TRPM1: variants seen among roughly 807,000 people sequenced by gnomAD.
TRPM1 encodes TRPM1-203 APA Isoform, Intron 10.
In TRPM1, 113 loss-of-function variants were observed where a neutral mutation model predicts 149.4. The ratio of observed to expected loss-of-function variants is 0.76; its 90% CI spans 0.65 to 0.88. The LOEUF (loss-of-function observed/expected upper bound fraction) is 0.88, where lower values mean the gene tolerates loss of function less well. Ranked by LOEUF, TRPM1 falls within the 40% of genes least tolerant of loss-of-function variation. TRPM1 has a pLI of 0.00. For synonymous variants in TRPM1, 741 were observed against 759.5 expected, an observed-to-expected ratio of 0.98 and a Z score of 0.40; for missense variants, 1,976 against 2,038.7, an observed-to-expected ratio of 0.97 and a Z score of 0.59.
At chr15:31,050,881 G>A (rs1007711807) in intron 11 of TRPM1, among the ~76,000 whole-genome samples, 14 of 152,280 alleles carry the variant, frequency 9.2e-5, no homozygotes, top group African/African-American at 2.2e-4. Flanking sequence ...TTGATGCAGC[G>A]ACTTTGCATA....
chr15:31,110,999 G>C (rs2035680158), intron 1 of TRPM1, among the ~76,000 whole-genome samples: 1 of 151,114 alleles, frequency 6.6e-6, no homozygotes, highest in African/African-American at 2.4e-5. Flanking sequence ...CAAACACACG[G>C]TTAAAAACCT....
At chr15:31,101,348 G>A (rs1379156855) in intron 1 of TRPM1, among the ~76,000 whole-genome samples, 1 of 152,172 alleles carries the variant, frequency 6.6e-6, no homozygotes, top group Admixed American at 6.5e-5. Context: ...AATCAACCTG[G>A]TGGGTCCCTT....
chr15:31,122,827 T>G (rs2035898473), intron 1 of TRPM1, among the ~76,000 whole-genome samples: 1 of 152,188 alleles, frequency 6.6e-6, no homozygotes, highest in Non-Finnish European at 1.5e-5. Flanking sequence ...GGGGGGATAC[T>G]GACAAACTCA....
In TRPM1 at chr15:31,121,701, C is replaced by A. The variant is rs186201609; in HGVS notation, c.54+39205G>T. ...TAATAAGCTGCCCCTACAGAAAGCA[C>A]CAGGCCTAGATGTTTCACTGGTGAA... On this transcript the variant is annotated intron_variant, in intron 1 of 26. Coordinates refer to the TRPM1 transcript ENST00000542188. Among the ~76,000 whole-genome samples the A allele has an allele frequency of 2.0e-3, 307 of 152,204 alleles. 3 individuals carry two copies. Among genetic ancestry groups the A allele is most frequent in the Non-Finnish European group, 2.8e-3 (191 of 67,998 alleles).
intron 1 of TRPM1, among the ~76,000 whole-genome samples, chr15:31,149,645 G>A (rs897719404): frequency 2.7e-5 from 4 of 149,784 alleles, no homozygotes; most frequent in East Asian, 2.0e-4. Context: ...TCAGCCTCCC[G>A]AGTAGCTGGG....
At chr15:31,071,545 C>A (rs1465154371) in intron 3 of TRPM1, among the ~76,000 whole-genome samples, 1 of 152,034 alleles carries the variant, frequency 6.6e-6, no homozygotes. Flanking sequence ...CTTCCCCATT[C>A]TCTCCCTCCC....
chr15:31,009,460 A>G (rs972594186), intron 27 of TRPM1, among the ~76,000 whole-genome samples: 1 of 149,174 alleles, frequency 6.7e-6, no homozygotes. Flanking sequence ...TCTCTGGTCA[A>G]TTTTTTTCTT....
intron 1 of TRPM1, among the ~76,000 whole-genome samples, chr15:31,117,537 A>C (rs780059813): frequency 2.0e-5 from 3 of 151,970 alleles, no homozygotes; most frequent in African/African-American, 4.8e-5. Flanking sequence ...AGTCCCAGCT[A>C]TCTGGGAGGC....
At chr15:31,088,770 C>T (rs923299804) in intron 1 of TRPM1, among the ~76,000 whole-genome samples, 3 of 147,342 alleles carry the variant, frequency 2.0e-5, no homozygotes, top group African/African-American at 5.0e-5. Flanking sequence ...CGTTCCCAAC[C>T]ATGGTATCAA....
At chr15:31,131,832 C>T (rs2036019948) in intron 1 of TRPM1, among the ~76,000 whole-genome samples, 1 of 152,026 alleles carries the variant, frequency 6.6e-6, no homozygotes, top group African/African-American at 2.4e-5. Context: ...CCCCACCCCC[C>T]TGCTGCCCCC....
In TRPM1 at chr15:31,026,157, A is replaced by T. The variant is rs374347614; in HGVS notation, c.3611T>A (p.Ile1204Asn). 3.7e-6 allele frequency: 6 copies of T among 1,612,072 alleles called. No individual in the cohort carries two copies. The highest frequency in any genetic ancestry group is 5.1e-6 in the Non-Finnish European group (6 of 1,180,018). The stretch of plus-strand genomic sequence containing the variant: ...CACGTACCTTTCAGAAGTGACCCGG[A>T]TGCGCTCGTCGCTGGACGACTGCTG... Reference protein sequence around the residue: ...DEQQSSSDERIRVTSERVENM... With the variant: ...DEQQSSSDERNRVTSERVENM... The change falls in exon 27 of 28, where the codon ATC becomes AAC. Residue 1204 changes from isoleucine (I) to asparagine (N), a missense_variant. By Grantham distance (149) the Ile-to-Asn change is moderately radical. Around this residue, in one of 3 missense-constraint regions of TRPM1, gnomAD observed 572 missense variants for 578.9 expected, o/e 0.99. Transcript: ENST00000256552.
At chr15:31,130,175 A>G (rs532905905) in intron 1 of TRPM1, among the ~76,000 whole-genome samples, 6 of 152,338 alleles carry the variant, frequency 3.9e-5, no homozygotes, top group African/African-American at 1.4e-4. Context: ...TGGGACCTCC[A>G]GGACCTGCCC....
rs536650422 is a variant in TRPM1 at position 31,062,103 on chromosome 15, C to T, written c.1089+476G>A. ...GGGAGCTACACTCCGAAATCTCAGT[C>T]GCCATCGGAGATGCAAAGTCGTATC... is the stretch of plus-strand genomic sequence containing the variant. On this transcript the variant is annotated intron_variant, in intron 9 of 27. Coordinates refer to ENST00000256552, the MANE Select transcript of TRPM1 (RefSeq NM_001252024.2). 5.0e-4 allele frequency among the ~76,000 whole-genome samples: 76 copies of T among 152,240 alleles called. No individual in the cohort carries two copies. The Middle Eastern group carries it at 0.014, about 27-fold the overall frequency.
intron 4 of TRPM1, 80 bp from the exon 5 acceptor site, chr15:31,068,172 G>A: frequency 4.7e-6 from 6 of 1,286,470 alleles, no homozygotes; most frequent in Non-Finnish European, 5.6e-6. Context: ...TATTGCTCAT[G>A]TCCAAGCAAG....
In TRPM1 at chr15:31,021,370, A is replaced by G. The variant is rs148138248; in HGVS notation, c.3629+4769T>C. On this transcript the variant is annotated intron_variant, in intron 27 of 27. Transcript: ENST00000256552. ...AGGATGCCAAATAAAAAGATTTCAA[A>G]GCCACAAATTGCTGATTTCCCATCA... 3.2e-3 allele frequency among the ~76,000 whole-genome samples: 486 copies of G among 152,310 alleles called. 2 individuals carry two copies. Among genetic ancestry groups the G allele is most frequent in the African/African-American group, 0.011 (447 of 41,560 alleles).
chr15:31,031,033 TAGA>T lies in TRPM1; in HGVS notation c.3074_3076del (p.Phe1025del). ...TCCATAGATCATCCAGTAGGGCATG[TAGA>T]AGATGTTTCGGGCCAGTTTCCAAGA... On this transcript the variant is annotated inframe_deletion, in exon 23 of 28. Coordinates refer to ENST00000256552, the MANE Select transcript of TRPM1 (RefSeq NM_001252024.2). The T allele has an allele frequency of 1.2e-6, 2 of 1,614,218 alleles. No individual in the cohort carries two copies. Among genetic ancestry groups the T allele is most frequent in the Non-Finnish European group, 1.7e-6 (2 of 1,180,032 alleles).
intron 16 of TRPM1, 131 bp from the exon 17 acceptor site, chr15:31,042,374 C>A: frequency 1.1e-6 from 1 of 903,932 alleles, no homozygotes; most frequent in South Asian, 1.5e-5. Context: ...TCTTACATTT[C>A]CACTCCGCAT....
At chr15:31,046,108 G>A in intron 16 of TRPM1, 96 bp downstream of exon 16, 1 of 1,216,578 alleles carries the variant, frequency 8.2e-7, no homozygotes. Context: ...GTAAATTTTG[G>A]TGAGTAGTAT....
intron 1 of TRPM1, among the ~76,000 whole-genome samples, chr15:31,126,401 A>C (rs889491769): frequency 6.6e-6 from 1 of 152,152 alleles, no homozygotes; most frequent in East Asian, 1.9e-4. Flanking sequence ...TCTCTTATGG[A>C]TACCTCCTGT....
Sources: gnomAD v4.1 joint callset for allele counts (sites outside exome capture counted in the v4.1 genomes callset) on GRCh38, gnomAD v4.1.1 for gene constraint, gnomAD v4.1.1 regional missense constraint, MANE v1.5 for transcripts, NCBI Gene and HGNC (gene_info 2026-07-23, HGNC 2026-07-21) for gene names.